TWIST2: variants seen among roughly 807,000 people sequenced by gnomAD.
The protein encoded by TWIST2 is twist family bHLH transcription factor 2.
TWIST2 carries 1 observed loss-of-function variant against 11.6 expected under a neutral mutation model. The ratio of observed to expected loss-of-function variants is 0.09; its 90% CI spans 0.03 to 0.41. The LOEUF (loss-of-function observed/expected upper bound fraction) is 0.41, where lower values mean the gene tolerates loss of function less well. Ranked by LOEUF, TWIST2 falls within the 10% of genes least tolerant of loss-of-function variation. TWIST2 has a pLI of 0.98. For synonymous variants in TWIST2, 87 were observed against 96.6 expected, an observed-to-expected ratio of 0.90 and a Z score of 0.58; for missense variants, 168 against 226.4, an observed-to-expected ratio of 0.74 and a Z score of 1.66.
intron 1 of TWIST2, among the ~76,000 whole-genome samples, chr2:238,896,133 A>G (rs1329848800): frequency 6.6e-5 from 10 of 152,146 alleles, no homozygotes; most frequent in African/African-American, 2.4e-4. Flanking sequence ...GGTCAGAGGC[A>G]TGAGTCACGG....
At chr2:238,887,036 G>C (rs756490096) in intron 1 of TWIST2, 2 of 152,056 alleles carry the variant, frequency 1.3e-5, no homozygotes, top group Non-Finnish European at 2.9e-5. Flanking sequence ...CTTCACCAAG[G>C]TCTTGGAACA....
Position 238,910,096 on chromosome 2 carries a change from G to A in TWIST2, c.*290G>A, listed in dbSNP as rs1445691650. On this transcript the variant is annotated 3_prime_UTR_variant, in exon 2 of 2. Transcript: ENST00000612363. ...TGTTTCTGTTTGGATTTTTCTTCTG[G>A]GTCTTATGTTTGGGGGGAGGTTTAT... 3.3e-5 allele frequency: 5 copies of A among 152,000 alleles called. No homozygotes were observed. Among genetic ancestry groups the A allele is most frequent in the African/African-American group, 9.7e-5 (4 of 41,354 alleles). 9.4% of individuals were successfully genotyped at this position (152,000 alleles called of 1,614,324 possible).
rs1692555028 is a variant in TWIST2 at position 238,867,187 on chromosome 2, A to T, written c.*35+18454A>T. On this transcript the variant is annotated intron_variant, in intron 1 of 1. Coordinates refer to ENST00000612363, the MANE Select transcript of TWIST2 (RefSeq NM_001271893.4). This position sits in a 1 kb window ranked among gnomAD's most constrained non-coding sequence, Gnocchi z 4.8. ...GGAAGGAGGCTGGCTGTAACATTGGAGGGGCCACAACCCCCGAATTTCTTC... is the reference window on the plus strand; with the variant it reads ...GGAAGGAGGCTGGCTGTAACATTGGTGGGGCCACAACCCCCGAATTTCTTC... Among the ~76,000 whole-genome samples the T allele has an allele frequency of 6.6e-6, 1 of 151,730 alleles. No individual in the cohort carries two copies. Among genetic ancestry groups the T allele is most frequent in the African/African-American group, 2.4e-5 (1 of 41,262 alleles).
At chr2:238,850,644 A>G (rs1160922844) in intron 1 of TWIST2, among the ~76,000 whole-genome samples, 3 of 152,234 alleles carry the variant, frequency 2.0e-5, no homozygotes, top group Non-Finnish European at 4.4e-5. Context: ...GCCATAGGTA[A>G]CCATTAAAGA....
intron 1 of TWIST2, among the ~76,000 whole-genome samples, chr2:238,905,920 GGTGTGCGTGTGCGC>G: frequency 8.8e-6 from 1 of 113,138 alleles, no homozygotes; most frequent in African/African-American, 3.6e-5. Flanking sequence ...TGTGCGTGCA[GGTGTGCGTGTGCGC>G]GTGTGTGTGC....
rs1692214391 is a variant in TWIST2, at chr2:238,849,883, G to C, written c.*35+1150G>C. On this transcript the variant is annotated intron_variant, in intron 1 of 1. Transcript: ENST00000612363. ...AGGGGCACAGAGTTCTTTTTGCTGGGGCCGAGTTAAAAATCCTTCCCCCTT... is the reference window on the plus strand; with the variant it reads ...AGGGGCACAGAGTTCTTTTTGCTGGCGCCGAGTTAAAAATCCTTCCCCCTT... Among the ~76,000 whole-genome samples the C allele has an allele frequency of 1.3e-5, 2 of 152,176 alleles. 1 individual carries two copies. The highest frequency in any genetic ancestry group is 1.3e-4 in the Admixed American group (2 of 15,280).
At position 238,848,356 on chromosome 2, in the gene TWIST2, G is replaced by C. The variant is rs1574742315; in HGVS notation, c.141G>C (p.Pro47=). ...CGAGCGAAGATGGCAGCCCGACCCC[G>C]GGCAAGCGCGGCAAGAAGGGCAGCC... is the stretch of plus-strand genomic sequence containing the variant. The part of the protein sequence containing the change: ...KKSSEDGSPT[P]GKRGKKGSPS... Residue 47 remains proline, a synonymous_variant, in exon 1 of 2, where the codon CCG becomes CCC. Transcript: ENST00000612363. 1 of 1,534,628 alleles carries C rather than the reference G, an allele frequency of 6.5e-7. No homozygotes were observed. The highest frequency in any genetic ancestry group is 8.7e-7 in the Non-Finnish European group (1 of 1,145,976).
intron 1 of TWIST2, among the ~76,000 whole-genome samples, chr2:238,898,782 C>T (rs1319349812): frequency 6.6e-6 from 1 of 152,234 alleles, no homozygotes; most frequent in Non-Finnish European, 1.5e-5. Flanking sequence ...GGGCAAAGTC[C>T]TGGAGGGGAG....
intron 1 of TWIST2, among the ~76,000 whole-genome samples, chr2:238,872,463 G>T (rs1051210173): frequency 6.6e-6 from 1 of 152,144 alleles, no homozygotes; most frequent in Non-Finnish European, 1.5e-5. Context: ...TAAAAATTGG[G>T]TCCTGTTGAG....
chr2:238,866,782 C>G lies in TWIST2; in HGVS notation c.*35+18049C>G, dbSNP rs1055090031. On this transcript the variant is annotated intron_variant, in intron 1 of 1. Coordinates refer to ENST00000612363, the MANE Select transcript of TWIST2 (RefSeq NM_001271893.4). This position sits in a 1 kb window ranked among gnomAD's most constrained non-coding sequence, Gnocchi z 4.9. Reference sequence around the variant, plus strand: ...GTCCCCTCCTTGGGGAGCCTCTAACCACCCTGCTGGCATTTGTGGTGACTC... The same window carrying G: ...GTCCCCTCCTTGGGGAGCCTCTAACGACCCTGCTGGCATTTGTGGTGACTC... 7.2e-5 allele frequency among the ~76,000 whole-genome samples: 11 copies of G among 152,172 alleles called. No homozygotes were observed. Among genetic ancestry groups the G allele is most frequent in the African/African-American group, 2.7e-4 (11 of 41,446 alleles).
intron 1 of TWIST2, among the ~76,000 whole-genome samples, chr2:238,854,044 C>T (rs1029266488): frequency 6.6e-6 from 1 of 152,154 alleles, no homozygotes; most frequent in African/African-American, 2.4e-5. Context: ...CAGCTTCTGT[C>T]GAAGCCTCAT....
At chr2:238,901,093 C>T (rs1385872841) in intron 1 of TWIST2, among the ~76,000 whole-genome samples, 1 of 151,554 alleles carries the variant, frequency 6.6e-6, no homozygotes, top group Non-Finnish European at 1.5e-5. Flanking sequence ...TCCCCTGCCT[C>T]AGCCTCTGGA....
chr2:238,880,830 G>A (rs1381336643), intron 1 of TWIST2, among the ~76,000 whole-genome samples: 2 of 120,848 alleles, frequency 1.7e-5, no homozygotes, highest in South Asian at 5.7e-4. Flanking sequence ...AGTATTTATT[G>A]GTATTAGTGT....
chr2:238,877,713 C>A (rs188820048), intron 1 of TWIST2, among the ~76,000 whole-genome samples: 2 of 152,290 alleles, frequency 1.3e-5, no homozygotes, highest in African/African-American at 4.8e-5. Context: ...TTTATTAGGA[C>A]TCTGTTTGGA....
Position 238,856,511 on chromosome 2 carries a change from T to C in TWIST2, c.*35+7778T>C, listed in dbSNP as rs975271070. Among the ~76,000 whole-genome samples, 3 of 152,276 alleles carry C rather than the reference T, an allele frequency of 2.0e-5. No homozygotes were observed. The South Asian group carries it at 6.2e-4, about 32-fold the overall frequency. ...AACCCTGTGTACATTAGTCTATCAT[T>C]TATAATTTATAACATGGAAAAGTTT... On this transcript the variant is annotated intron_variant, in intron 1 of 1. Coordinates refer to ENST00000612363, the MANE Select transcript of TWIST2 (RefSeq NM_001271893.4).
intron 1 of TWIST2, among the ~76,000 whole-genome samples, chr2:238,861,616 G>A (rs1052829188): frequency 7.9e-5 from 12 of 152,244 alleles, no homozygotes; most frequent in Non-Finnish European, 1.5e-4. Flanking sequence ...TGAGACCGTG[G>A]TGTCAGAGAA....
chr2:238,850,788 C>T (rs562725359), intron 1 of TWIST2, among the ~76,000 whole-genome samples: 1 of 152,170 alleles, frequency 6.6e-6, no homozygotes, highest in South Asian at 2.1e-4. Context: ...TATAAGGAGC[C>T]TATTTATTTT....
Position 238,867,790 on chromosome 2 carries a change from G to T in TWIST2, c.*35+19057G>T, listed in dbSNP as rs1443230334. On this transcript the variant is annotated intron_variant, in intron 1 of 1. Coordinates refer to ENST00000612363, the MANE Select transcript of TWIST2 (RefSeq NM_001271893.4). This position sits in a 1 kb window ranked among gnomAD's most constrained non-coding sequence, Gnocchi z 4.8. ...AATTGATGGTGAGTTAGGAGGCCAG[G>T]AGGGAAGCAGCCGTTCCCAGAGCTG... Among the ~76,000 whole-genome samples, 1 of 152,196 alleles carries T rather than the reference G, an allele frequency of 6.6e-6. No homozygotes were observed. The highest frequency in any genetic ancestry group is 1.5e-5 in the Non-Finnish European group (1 of 68,042).
intron 1 of TWIST2, among the ~76,000 whole-genome samples, chr2:238,862,835 A>G (rs1392701650): frequency 1.3e-5 from 2 of 152,228 alleles, no homozygotes; most frequent in Admixed American, 6.5e-5. Context: ...ATGCTGGAAC[A>G]CTATGCAGTC....
Sources: allele counts gnomAD v4.1 joint callset (sites outside exome capture counted in the v4.1 genomes callset), GRCh38; gene constraint gnomAD v4.1.1; non-coding constraint Gnocchi (gnomAD v3.1); transcripts MANE v1.5; gene names NCBI Gene and HGNC (gene_info 2026-07-23, HGNC 2026-07-21).